TMEM132D: variants seen among roughly 807,000 people sequenced by gnomAD.
The protein encoded by TMEM132D is mature OL transmembrane protein.
TMEM132D carries 21 observed loss-of-function variants against 62.3 expected under a neutral mutation model. The observed-to-expected ratio is 0.34, with a 90% CI of 0.24 to 0.49. TMEM132D has a LOEUF of 0.49. TMEM132D is among the 20% of genes least tolerant of loss of function. The probability of loss-of-function intolerance (pLI) is 0.99; values close to 1 mark genes in which losing one functional copy is unlikely to be tolerated. For missense variants in TMEM132D, 1,346 were observed against 1,402.8 expected, an observed-to-expected ratio of 0.96 and a Z score of 0.65; for synonymous variants, 621 against 575.6, an observed-to-expected ratio of 1.08 and a Z score of -1.13.
At chr12:129,783,272 T>C (rs990573480) in intron 1 of TMEM132D, among the ~76,000 whole-genome samples, 19 of 152,174 alleles carry the variant, frequency 1.2e-4, no homozygotes, top group Admixed American at 6.5e-5. Context: ...TGCAGGTAAG[T>C]TAACAGTGTT....
At chr12:129,465,902 C>G (rs929793289) in intron 3 of TMEM132D, among the ~76,000 whole-genome samples, 5 of 152,086 alleles carry the variant, frequency 3.3e-5, no homozygotes, top group Admixed American at 6.6e-5. Context: ...AGGCTGGTGT[C>G]GAATTCCTGA....
intron 5 of TMEM132D, chr12:129,170,219 A>G (rs1877683663): frequency 6.6e-6 from 1 of 152,262 alleles, no homozygotes; most frequent in Non-Finnish European, 1.5e-5. Flanking sequence ...GTGAATAAAT[A>G]AAAGATGATG....
chr12:129,767,158 T>C (rs1318169601), intron 1 of TMEM132D, among the ~76,000 whole-genome samples: 1 of 152,210 alleles, frequency 6.6e-6, no homozygotes, highest in Non-Finnish European at 1.5e-5. Flanking sequence ...CTGCCCTGTA[T>C]CAATTGCTCC....
intron 3 of TMEM132D, among the ~76,000 whole-genome samples, chr12:129,418,548 C>G (rs146378335): frequency 2.6e-5 from 4 of 151,416 alleles, no homozygotes; most frequent in African/African-American, 9.7e-5. Context: ...CATCACACAC[C>G]GGGGCCTGTT....
intron 1 of TMEM132D, among the ~76,000 whole-genome samples, chr12:129,834,895 C>T (rs1158950901): frequency 2.0e-5 from 3 of 152,106 alleles, no homozygotes; most frequent in Non-Finnish European, 4.4e-5. Context: ...TGAACAAGAA[C>T]TGATAAAGAT....
intron 3 of TMEM132D, among the ~76,000 whole-genome samples, chr12:129,445,036 T>C (rs771108839): frequency 1.2e-4 from 18 of 152,182 alleles, no homozygotes; most frequent in African/African-American, 3.1e-4. Flanking sequence ...CACATGAATG[T>C]TCATTGCAGC....
intron 1 of TMEM132D, among the ~76,000 whole-genome samples, chr12:129,737,619 G>T (rs1018870219): frequency 2.6e-5 from 4 of 152,042 alleles, no homozygotes; most frequent in Admixed American, 6.6e-5. Flanking sequence ...AGCTGATGTT[G>T]TCCTTTTCAT....
At chr12:129,249,184 G>A (rs558666501) in intron 4 of TMEM132D, among the ~76,000 whole-genome samples, 12 of 152,286 alleles carry the variant, frequency 7.9e-5, no homozygotes, top group East Asian at 7.7e-4. Context: ...CTGGGCCAGC[G>A]TAGATGCTTT....
At chr12:129,447,823 G>T (rs1593012735) in intron 3 of TMEM132D, among the ~76,000 whole-genome samples, 1 of 152,276 alleles carries the variant, frequency 6.6e-6, no homozygotes, top group African/African-American at 2.4e-5. Flanking sequence ...TTGGTTCCTT[G>T]TCAACTCCAC....
chr12:129,407,133 T>A (rs959800258), intron 3 of TMEM132D, among the ~76,000 whole-genome samples: 1 of 152,224 alleles, frequency 6.6e-6, no homozygotes, highest in East Asian at 1.9e-4. Context: ...ACAATGAAGC[T>A]AAAATTATTA....
At chr12:129,599,443 G>A (rs1166081628) in intron 2 of TMEM132D, among the ~76,000 whole-genome samples, 2 of 152,158 alleles carry the variant, frequency 1.3e-5, no homozygotes, top group African/African-American at 4.8e-5. Context: ...AAATGACAGT[G>A]AATTTAAACC....
At chr12:129,826,501 G>A (rs1872667846) in intron 1 of TMEM132D, among the ~76,000 whole-genome samples, 1 of 152,160 alleles carries the variant, frequency 6.6e-6, no homozygotes. Context: ...CACTGAATGA[G>A]TGCAGCCCGC....
At chr12:129,413,880 A>G (rs1357437423) in intron 3 of TMEM132D, among the ~76,000 whole-genome samples, 1 of 152,212 alleles carries the variant, frequency 6.6e-6, no homozygotes, top group Non-Finnish European at 1.5e-5. Flanking sequence ...AATATTAGAA[A>G]CATCTTAGCT....
intron 2 of TMEM132D, among the ~76,000 whole-genome samples, chr12:129,616,581 A>C (rs558491638): frequency 6.6e-6 from 1 of 152,188 alleles, no homozygotes; most frequent in South Asian, 2.1e-4. Flanking sequence ...CCATGCTGCT[A>C]TTCTTGTGAT....
intron 1 of TMEM132D, among the ~76,000 whole-genome samples, chr12:129,771,830 A>G (rs1593155854): frequency 6.6e-6 from 1 of 152,246 alleles, no homozygotes; most frequent in East Asian, 1.9e-4. Context: ...TACATGCATG[A>G]AAGTTTAACA....
chr12:129,644,093 T>C (rs1459882720), intron 2 of TMEM132D, among the ~76,000 whole-genome samples: 1 of 152,106 alleles, frequency 6.6e-6, no homozygotes, highest in Non-Finnish European at 1.5e-5. Context: ...GACCTCATGA[T>C]TCGCCCGCCT....
intron 5 of TMEM132D, among the ~76,000 whole-genome samples, chr12:129,204,993 C>T (rs1177936635): frequency 6.6e-6 from 1 of 152,152 alleles, no homozygotes; most frequent in Non-Finnish European, 1.5e-5. Context: ...TTGTTACTAC[C>T]AGACCTGCCT....
At chr12:129,083,609 T>C (rs559600632) in intron 6 of TMEM132D, among the ~76,000 whole-genome samples, 18 of 152,316 alleles carry the variant, frequency 1.2e-4, no homozygotes, top group Admixed American at 1.0e-3. Context: ...CCAGGGGCCA[T>C]GGGACCAAAG....
At chr12:129,565,138 TC>T in intron 2 of TMEM132D, among the ~76,000 whole-genome samples, 1 of 152,214 alleles carries the variant, frequency 6.6e-6, no homozygotes, top group Non-Finnish European at 1.5e-5. Context: ...TCTATGCCCT[TC>T]CTGGGGTGGC....
Sources: gnomAD v4.1 joint callset for allele counts (sites outside exome capture counted in the v4.1 genomes callset) on GRCh38, gnomAD v4.1.1 for gene constraint, MANE v1.5 for transcripts, NCBI Gene and HGNC (gene_info 2026-07-23, HGNC 2026-07-21) for gene names.